DLG2: variants seen among roughly 807,000 people sequenced by gnomAD.
DLG2 encodes disks large homolog 2.
DLG2 carries 45 observed loss-of-function variants against 132.5 expected under a neutral mutation model. The observed-to-expected ratio is 0.34, with a 90% CI of 0.27 to 0.44. DLG2 has a LOEUF of 0.44. DLG2 is among the 20% of genes least tolerant of loss of function. The pLI, the probability that DLG2 is intolerant of heterozygous loss-of-function variation, is 1.00. For missense variants in DLG2, 1,045 were observed against 1,196.9 expected (o/e 0.87, Z 1.87); for synonymous variants, 424 against 419.6 (o/e 1.01, Z -0.13).
intron 7 of DLG2, among the ~76,000 whole-genome samples, chr11:84,409,508 T>A (rs1418194587): frequency 1.3e-5 from 2 of 152,198 alleles, no homozygotes; most frequent in Non-Finnish European, 2.9e-5. Flanking sequence ...ACATACAACA[T>A]GTTGCACACA....
chr11:84,435,883 C>T (rs1037180725), intron 7 of DLG2, among the ~76,000 whole-genome samples: 1 of 152,092 alleles, frequency 6.6e-6, no homozygotes, highest in East Asian at 1.9e-4. Flanking sequence ...ACTAATTTGG[C>T]ATAAGACATT....
At chr11:84,600,239 AAAAGC>A (rs2099573820) in intron 6 of DLG2, among the ~76,000 whole-genome samples, 1 of 87,250 alleles carries the variant, frequency 1.1e-5, no homozygotes, top group Non-Finnish European at 2.1e-5. Flanking sequence ...AGAAAGACAG[AAAAGC>A]AAGCAAGCAA....
At chr11:83,612,330 T>A (rs2060234264) in intron 19 of DLG2, among the ~76,000 whole-genome samples, 1 of 152,246 alleles carries the variant, frequency 6.6e-6, no homozygotes, top group South Asian at 2.1e-4. Flanking sequence ...AATAGGTCAA[T>A]AATGTTTTAT....
At chr11:84,210,366 T>C (rs1345459142) in intron 8 of DLG2, among the ~76,000 whole-genome samples, 4 of 129,306 alleles carry the variant, frequency 3.1e-5, no homozygotes, top group African/African-American at 1.2e-4. Context: ...AAGGGGAATA[T>C]CACACTCTGG....
chr11:83,864,237 G>A (rs2061916662), intron 16 of DLG2, among the ~76,000 whole-genome samples: 1 of 152,156 alleles, frequency 6.6e-6, no homozygotes, highest in Admixed American at 6.5e-5. Flanking sequence ...CAAATCAGCT[G>A]CTTGTTCTTT....
At chr11:83,636,537 G>A (rs947898004) in intron 18 of DLG2, among the ~76,000 whole-genome samples, 21 of 151,892 alleles carry the variant, frequency 1.4e-4, no homozygotes, top group African/African-American at 3.9e-4. Flanking sequence ...CTTTATTTCC[G>A]TCAAATAACT....
At chr11:84,285,794 A>G (rs372514564) in intron 7 of DLG2, among the ~76,000 whole-genome samples, 2 of 152,242 alleles carry the variant, frequency 1.3e-5, no homozygotes, top group African/African-American at 2.4e-5. Flanking sequence ...TTTACATTAC[A>G]TACCTGAATT....
At chr11:85,622,099 A>T (rs1481831486) in intron 2 of DLG2, among the ~76,000 whole-genome samples, 2 of 152,236 alleles carry the variant, frequency 1.3e-5, no homozygotes, top group Admixed American at 6.5e-5. Context: ...ACCAGCAAAA[A>T]GATTACTACT....
chr11:83,641,492 A>G (rs1266317758), intron 18 of DLG2, among the ~76,000 whole-genome samples: 1 of 152,172 alleles, frequency 6.6e-6, no homozygotes, highest in African/African-American at 2.4e-5. Context: ...TCAGAGCCAG[A>G]TATGCACAGA....
chr11:84,036,415 GTT>G (rs10707520), intron 11 of DLG2, among the ~76,000 whole-genome samples: 3 of 151,804 alleles, frequency 2.0e-5, no homozygotes, highest in Admixed American at 6.6e-5. Flanking sequence ...GCTCCAAAAT[GTT>G]TTTTTTTATT....
intron 7 of DLG2, among the ~76,000 whole-genome samples, chr11:84,388,317 T>C (rs1283251306): frequency 1.3e-5 from 2 of 151,688 alleles, no homozygotes; most frequent in African/African-American, 2.4e-5. Flanking sequence ...AAAGAATCTA[T>C]CAAAAAAAAA....
intron 10 of DLG2, among the ~76,000 whole-genome samples, chr11:84,064,400 A>T (rs1044354977): frequency 6.6e-6 from 1 of 152,162 alleles, no homozygotes; most frequent in African/African-American, 2.4e-5. Flanking sequence ...ACAGCACAGA[A>T]CCTAAGAACA....
intron 4 of DLG2, among the ~76,000 whole-genome samples, chr11:85,173,958 C>G (rs1472316372): frequency 6.6e-6 from 1 of 151,910 alleles, no homozygotes; most frequent in Non-Finnish European, 1.5e-5. Context: ...ATAGGAGCAC[C>G]CAAATTCATG....
intron 6 of DLG2, among the ~76,000 whole-genome samples, chr11:84,771,185 G>A (rs2069322081): frequency 6.6e-6 from 1 of 152,146 alleles, no homozygotes; most frequent in Admixed American, 6.5e-5. Context: ...GGACTTTGAG[G>A]AATTGCCACA....
chr11:83,875,927 G>A (rs1165291554), intron 15 of DLG2, among the ~76,000 whole-genome samples: 2 of 152,146 alleles, frequency 1.3e-5, no homozygotes, highest in African/African-American at 4.8e-5. Flanking sequence ...GAAACCTACA[G>A]AATCATATTC....
At chr11:84,726,685 C>A (rs1466887462) in intron 6 of DLG2, among the ~76,000 whole-genome samples, 2 of 152,152 alleles carry the variant, frequency 1.3e-5, no homozygotes, top group Non-Finnish European at 2.9e-5. Flanking sequence ...TGAGGAATTG[C>A]CACATGGTCT....
intron 6 of DLG2, among the ~76,000 whole-genome samples, chr11:84,745,030 A>T (rs1196403005): frequency 1.3e-5 from 2 of 152,214 alleles, no homozygotes; most frequent in Non-Finnish European, 2.9e-5. Context: ...AAAGGTGAAA[A>T]AAAAAACCCT....
At chr11:84,957,224 C>T (rs1029732170) in intron 6 of DLG2, among the ~76,000 whole-genome samples, 1 of 152,170 alleles carries the variant, frequency 6.6e-6, no homozygotes, top group African/African-American at 2.4e-5. Flanking sequence ...AGAATCTGTC[C>T]TCTTATCCAT....
At chr11:83,609,270 C>T (rs2059774541) in intron 19 of DLG2, among the ~76,000 whole-genome samples, 1 of 152,228 alleles carries the variant, frequency 6.6e-6, no homozygotes, top group Non-Finnish European at 1.5e-5. Flanking sequence ...TCTATACCAA[C>T]ATACAGGCTT....
Sources: gnomAD v4.1 joint callset for allele counts (sites outside exome capture counted in the v4.1 genomes callset) on GRCh38, gnomAD v4.1.1 for gene constraint, MANE v1.5 for transcripts, NCBI Gene and HGNC (gene_info 2026-07-23, HGNC 2026-07-21) for gene names.